The following PPM1D variants were observed in gnomAD, a reference collection of about 807,000 sequenced individuals.
PPM1D encodes the protein protein phosphatase 1D.
In PPM1D, 52 loss-of-function variants were observed where a neutral mutation model predicts 58.3. The observed-to-expected ratio is 0.89, with a 90% confidence interval of 0.71 to 1.12. PPM1D has a LOEUF of 1.12. PPM1D is among the 50% of genes most tolerant of loss of function. The pLI is 0.00. For synonymous variants in PPM1D, 278 were observed against 285.1 expected (o/e 0.98, Z 0.25); for missense variants, 564 against 777.2 (o/e 0.73, Z 3.26).
At chr17:60,660,197 G>A (rs1230099908) in intron 5 of PPM1D, among the ~76,000 whole-genome samples, 1 of 152,112 alleles carries the variant, frequency 6.6e-6, no homozygotes, top group Non-Finnish European at 1.5e-5. Flanking sequence ...TTAGCTGGGT[G>A]TGGTGGTGGG....
At chr17:60,613,841 T>A (rs901426009) in intron 1 of PPM1D, among the ~76,000 whole-genome samples, 6 of 152,028 alleles carry the variant, frequency 3.9e-5, no homozygotes, top group Non-Finnish European at 7.4e-5. Flanking sequence ...GGGCCTTAGC[T>A]GACTCCCCAT....
chr17:60,654,055 AGTATT>A (rs948790974), intron 4 of PPM1D, among the ~76,000 whole-genome samples: 9 of 152,096 alleles, frequency 5.9e-5, no homozygotes, highest in South Asian at 4.2e-4. Flanking sequence ...CGGGACTTCC[AGTATT>A]GTATTGAATA....
At chr17:60,606,604 A>C (rs1478767787) in intron 1 of PPM1D, among the ~76,000 whole-genome samples, 1 of 152,014 alleles carries the variant, frequency 6.6e-6, no homozygotes, top group Non-Finnish European at 1.5e-5. Context: ...ACTGTCTTAC[A>C]TTTTAAAATT....
intron 4 of PPM1D, among the ~76,000 whole-genome samples, chr17:60,652,212 T>C (rs1367183586): frequency 1.3e-5 from 2 of 152,148 alleles, no homozygotes; most frequent in African/African-American, 2.4e-5. Context: ...GATCTACTCT[T>C]TTAGCTGCCA....
At chr17:60,625,796 A>G (rs745586646) in intron 2 of PPM1D, among the ~76,000 whole-genome samples, 2 of 152,226 alleles carry the variant, frequency 1.3e-5, no homozygotes, top group Non-Finnish European at 2.9e-5. Flanking sequence ...ATAAGATGGA[A>G]ATATTCTAAA....
chr17:60,632,735 C>G (rs1407755400), intron 2 of PPM1D, among the ~76,000 whole-genome samples: 1 of 152,186 alleles, frequency 6.6e-6, no homozygotes, highest in African/African-American at 2.4e-5. Flanking sequence ...TGGTGGCTCC[C>G]AGCACTTTGG....
In PPM1D at chr17:60,600,657, C is replaced by T. The variant is rs1456335663; in HGVS notation, c.243C>T (p.Asp81=). Residue 81 remains aspartate, a synonymous_variant, in exon 1 of 6, where the codon GAC becomes GAT. Coordinates refer to ENST00000305921, the MANE Select transcript of PPM1D (RefSeq NM_003620.4). ...AAREARDPLP[D]AGASPAPSRC... ...GAGAGGCTCGCGACCCTCTCCCGGA[C>T]GCCGGGGCCTCGCCGGCACCTAGCC... The T allele has an allele frequency of 5.2e-6, 8 of 1,549,372 alleles. No homozygotes were observed. In the South Asian group the frequency reaches 8.3e-5, roughly 16 times the overall value.
chr17:60,609,474 C>T (rs999082250), intron 1 of PPM1D, among the ~76,000 whole-genome samples: 1 of 152,164 alleles, frequency 6.6e-6, no homozygotes, highest in African/African-American at 2.4e-5. Flanking sequence ...TCACTTTCTG[C>T]AGTTTGTTAA....
chr17:60,641,332 G>A (rs546349179), intron 3 of PPM1D, among the ~76,000 whole-genome samples: 54 of 152,180 alleles, frequency 3.5e-4, no homozygotes, highest in African/African-American at 1.1e-3. Flanking sequence ...TTTGATTTGC[G>A]TTCTCTAATG....
At chr17:60,631,166 G>A (rs1416195180) in intron 2 of PPM1D, among the ~76,000 whole-genome samples, 1 of 151,314 alleles carries the variant, frequency 6.6e-6, no homozygotes, top group Non-Finnish European at 1.5e-5. Context: ...AACATAGTGA[G>A]ATCTGTTCTC....
intron 1 of PPM1D, among the ~76,000 whole-genome samples, chr17:60,605,454 G>A (rs1315631757): frequency 6.6e-6 from 1 of 152,138 alleles, no homozygotes; most frequent in Non-Finnish European, 1.5e-5. Context: ...ATTGTTTTAG[G>A]ATTGGCCACA....
intron 1 of PPM1D, among the ~76,000 whole-genome samples, chr17:60,608,181 TTTTGATCCTTA>T (rs2030373025): frequency 6.6e-6 from 1 of 152,262 alleles, no homozygotes; most frequent in Non-Finnish European, 1.5e-5. Context: ...CAGTCATTAC[TTTTGATCCTTA>T]TTAGGTAGTC....
intron 4 of PPM1D, among the ~76,000 whole-genome samples, chr17:60,649,397 C>G (rs866394539): frequency 4.6e-5 from 7 of 152,184 alleles, no homozygotes; most frequent in African/African-American, 7.2e-5. Context: ...TGTTAAATTG[C>G]CTCCATTCAT....
rs1413528897 is a variant in PPM1D at position 60,663,038 on chromosome 17, A to C, written c.1304A>C (p.His435Pro). 1 of 1,613,998 alleles carries C rather than the reference A, an allele frequency of 6.2e-7. No individual in the cohort carries two copies. The highest frequency in any genetic ancestry group is 2.2e-5 in the East Asian group (1 of 44,894). ...DPWPRVNSKD[H>P]IPALVRSNAF... is the part of the protein sequence containing the mutation. ...TGGCCAAGGGTGAATTCTAAGGACC[A>C]TATACCTGCCCTGGTTCGTAGCAAT... Residue 435 changes from histidine to proline, a missense_variant, in exon 6 of 6, where the codon CAT becomes CCT. Physicochemically the swap from His to Pro is moderately conservative, Grantham distance 77 (BLOSUM62 -2). This residue lies in a region of PPM1D where 261 missense variants were observed against 270.1 expected (regional missense o/e 0.97). Transcript: ENST00000305921.
intron 2 of PPM1D, among the ~76,000 whole-genome samples, chr17:60,625,065 C>T (rs1240017207): frequency 5.3e-5 from 8 of 151,866 alleles, no homozygotes; most frequent in Admixed American, 3.9e-4. Flanking sequence ...TTGCTTGAAC[C>T]CAGGAGGCAG....
At chr17:60,627,904 G>A (rs888304948) in intron 2 of PPM1D, among the ~76,000 whole-genome samples, 12 of 147,172 alleles carry the variant, frequency 8.2e-5, no homozygotes, top group African/African-American at 3.0e-4. Flanking sequence ...TTTTTTTTGA[G>A]ACTTGAGTTT....
chr17:60,646,411 T>C (rs957437584), intron 3 of PPM1D, among the ~76,000 whole-genome samples: 1 of 152,194 alleles, frequency 6.6e-6, no homozygotes, highest in African/African-American at 2.4e-5. Context: ...CAAAGCTTCC[T>C]CTTGTTTAAC....
intron 5 of PPM1D, 179 bp downstream of exon 5, chr17:60,657,020 A>G (rs1598413673): frequency 1.3e-6 from 2 of 1,533,130 alleles, no homozygotes; most frequent in South Asian, 2.4e-5. Flanking sequence ...AATGCCAGCC[A>G]TGTGTACAGC....
At chr17:60,655,410 G>A (rs1329220073) in intron 4 of PPM1D, among the ~76,000 whole-genome samples, 5 of 152,168 alleles carry the variant, frequency 3.3e-5, no homozygotes, top group African/African-American at 9.7e-5. Context: ...GTGCAGTGGC[G>A]TGATCTCGGC....
Sources: allele counts gnomAD v4.1 joint callset (sites outside exome capture counted in the v4.1 genomes callset), GRCh38; gene constraint gnomAD v4.1.1; regional missense constraint gnomAD v4.1.1; transcripts MANE v1.5; gene names NCBI Gene and HGNC (gene_info 2026-07-23, HGNC 2026-07-21).